The following RAB3GAP1 variants were observed in gnomAD, a reference collection of about 807,000 sequenced individuals.
RAB3GAP1 encodes RAB3 GTPase activating protein catalytic subunit 1.
RAB3GAP1 carries 86 observed loss-of-function variants against 130.7 expected under a neutral mutation model. The observed-to-expected ratio is 0.66, with a 90% CI of 0.55 to 0.79. RAB3GAP1 has a LOEUF of 0.79. Ranked by LOEUF, RAB3GAP1 falls within the 30% of genes least tolerant of loss-of-function variation. The pLI, the probability that RAB3GAP1 is intolerant of heterozygous loss-of-function variation, is 0.00. For synonymous variants in RAB3GAP1, 367 were observed against 401.7 expected (o/e 0.91, Z 1.03); for missense variants, 1,029 against 1,169.4 (o/e 0.88, Z 1.75).
intron 3 of RAB3GAP1, among the ~76,000 whole-genome samples, chr2:135,064,979 C>T (rs1689278278): frequency 1.3e-5 from 2 of 148,894 alleles, no homozygotes; most frequent in Non-Finnish European, 1.5e-5. Flanking sequence ...ATTCTCTTTT[C>T]AGTGATGGCA....
chr2:135,084,372 A>G (rs564803691), intron 3 of RAB3GAP1, among the ~76,000 whole-genome samples: 1 of 152,292 alleles, frequency 6.6e-6, no homozygotes, highest in South Asian at 2.1e-4. Context: ...CGTTCTCTAT[A>G]TTGTAGCATG....
intron 11 of RAB3GAP1, among the ~76,000 whole-genome samples, chr2:135,128,475 A>G (rs1691419380): frequency 6.6e-6 from 1 of 152,202 alleles, no homozygotes; most frequent in Non-Finnish European, 1.5e-5. Context: ...TGAACAGTAA[A>G]TGGTTTCTGT....
At chr2:135,065,506 C>G (rs1689293482) in intron 3 of RAB3GAP1, among the ~76,000 whole-genome samples, 1 of 152,154 alleles carries the variant, frequency 6.6e-6, no homozygotes, top group Non-Finnish European at 1.5e-5. Context: ...GGTTACTCTT[C>G]TCATTAATAT....
rs952830904 is a variant in RAB3GAP1, at chr2:135,119,884, C to T, written c.649-935C>T. Among the ~76,000 whole-genome samples, 14 of 152,258 alleles carry T rather than the reference C, an allele frequency of 9.2e-5. No individual in the cohort carries two copies. The South Asian group carries it at 1.5e-3, about 16-fold the overall frequency. Reference sequence around the variant, plus strand: ...CTATTTTATATTAGTTTAGATTAAGCATTATGAAGGGAAGCTGAGGTCATA... The same window carrying T: ...CTATTTTATATTAGTTTAGATTAAGTATTATGAAGGGAAGCTGAGGTCATA... On this transcript the variant is annotated intron_variant, in intron 7 of 23. Transcript: ENST00000264158.
chr2:135,109,573 A>T (rs924052328), intron 5 of RAB3GAP1, among the ~76,000 whole-genome samples: 15 of 145,738 alleles, frequency 1.0e-4, no homozygotes, highest in Admixed American at 2.7e-4. Context: ...TCCAAAAAAA[A>T]TTTTTTTTTT....
intron 18 of RAB3GAP1, 30 bp from the exon 19 acceptor site, chr2:135,153,619 A>T (rs1282180083): frequency 1.2e-6 from 2 of 1,601,140 alleles, no homozygotes; most frequent in South Asian, 1.1e-5. Context: ...TTTTCATTTG[A>T]TTCTGCTGAA....
chr2:135,067,548 TA>T (rs1689356270), intron 3 of RAB3GAP1, among the ~76,000 whole-genome samples: 1 of 152,230 alleles, frequency 6.6e-6, no homozygotes, highest in Non-Finnish European at 1.5e-5. Flanking sequence ...TTTATTGTAA[TA>T]TAAAAATGGC....
rs1691700505 is a variant in RAB3GAP1, at chr2:135,137,189, C to G, written c.1923+1257C>G. 1.3e-5 allele frequency: 5 copies of G among 399,950 alleles called. No individual in the cohort carries two copies. In the Admixed American group the frequency reaches 1.5e-4, roughly 12 times the overall value. The allele number at this position is 399,950 out of a possible 1,614,324, so 24.8% of individuals were successfully genotyped here. A position where few individuals can be genotyped will look rare whatever the true frequency, so the allele number is the denominator to read the frequency against. On this transcript the variant is annotated intron_variant, in intron 17 of 23. Coordinates refer to ENST00000264158, the MANE Select transcript of RAB3GAP1 (RefSeq NM_012233.3). ...CAGTATTAATTTTGCATTCCAATTT[C>G]ATGTTGACTTGATACCTACGATGGC...
intron 19 of RAB3GAP1, among the ~76,000 whole-genome samples, chr2:135,158,487 G>T (rs373292727): frequency 6.6e-6 from 1 of 152,128 alleles, no homozygotes; most frequent in South Asian, 2.1e-4. Flanking sequence ...ATTATAAACC[G>T]TTGGAAAAAA....
At chr2:135,110,991 T>A (rs1690787916) in intron 5 of RAB3GAP1, among the ~76,000 whole-genome samples, 1 of 152,168 alleles carries the variant, frequency 6.6e-6, no homozygotes, top group Non-Finnish European at 1.5e-5. Context: ...AAGAAAACTA[T>A]TTTTCAAAGA....
intron 17 of RAB3GAP1, chr2:135,136,555 T>A (rs1691685308): frequency 4.5e-6 from 1 of 221,440 alleles, no homozygotes; most frequent in Non-Finnish European, 8.7e-6. Context: ...TTTAAGTAGA[T>A]CACGTCATCA....
intron 17 of RAB3GAP1, among the ~76,000 whole-genome samples, chr2:135,140,786 A>G (rs1039820579): frequency 3.9e-5 from 6 of 152,212 alleles, no homozygotes; most frequent in Admixed American, 1.3e-4. Flanking sequence ...AGCATAAACC[A>G]TATTATTTGC....
chr2:135,117,459 TCTGCTTCTG>T (rs1691011910), intron 7 of RAB3GAP1, among the ~76,000 whole-genome samples: 15 of 62,262 alleles, frequency 2.4e-4, no homozygotes, highest in Non-Finnish European at 4.1e-4. Flanking sequence ...TTCTTCTGCT[TCTGCTTCTG>T]CTTCTGCTTC....
In RAB3GAP1 at chr2:135,130,539, G is replaced by A. The variant is rs1356892075; in HGVS notation, c.1067-13G>A. ...GGTGATATAATTTATATTTATTTCT[G>A]TTCTTTTTATAGAAACTGCTGATAT... On this transcript the variant is annotated splice_polypyrimidine_tract_variant and intron_variant, in intron 12 of 23. Transcript: ENST00000264158. The A allele has an allele frequency of 5.6e-6, 9 of 1,605,970 alleles. No homozygotes were observed. Among genetic ancestry groups the A allele is most frequent in the Admixed American group, 1.7e-5 (1 of 59,748 alleles).
Position 135,133,923 on chromosome 2 carries a change from T to C in RAB3GAP1, c.1389T>C (p.Cys463=). ...GTTTAACATACAAACTGGCTTTGTGTCTCTGTATGATCAATTTTTACCATG... is the reference window on the plus strand; with the variant it reads ...GTTTAACATACAAACTGGCTTTGTGCCTCTGTATGATCAATTTTTACCATG... ...SDSLTYKLAL[C]LCMINFYHGG... Residue 463 remains cysteine (C), a synonymous_variant, in exon 15 of 24, where the codon TGT becomes TGC. Coordinates refer to ENST00000264158, the MANE Select transcript of RAB3GAP1 (RefSeq NM_012233.3). 2 of 1,613,862 alleles carry C rather than the reference T, an allele frequency of 1.2e-6. No individual in the cohort carries two copies. The highest frequency in any genetic ancestry group is 1.7e-6 in the Non-Finnish European group (2 of 1,179,766).
At chr2:135,164,174 C>T (rs1032590764) in intron 22 of RAB3GAP1, among the ~76,000 whole-genome samples, 2 of 152,040 alleles carry the variant, frequency 1.3e-5, no homozygotes, top group South Asian at 2.1e-4. Context: ...TGCACGTGTG[C>T]GTGCACACAC....
intron 3 of RAB3GAP1, among the ~76,000 whole-genome samples, chr2:135,069,923 T>G (rs528936440): frequency 2.4e-4 from 36 of 152,332 alleles, no homozygotes; most frequent in African/African-American, 8.2e-4. Flanking sequence ...GGAGCTTCTT[T>G]AAATTATCCA....
At chr2:135,131,305 A>C (rs1691532320) in intron 13 of RAB3GAP1, among the ~76,000 whole-genome samples, 2 of 152,062 alleles carry the variant, frequency 1.3e-5, no homozygotes, top group Non-Finnish European at 2.9e-5. Context: ...GGCTCACTGC[A>C]ACCTCCACCT....
intron 3 of RAB3GAP1, among the ~76,000 whole-genome samples, chr2:135,080,898 T>C (rs1360007772): frequency 6.6e-6 from 1 of 152,196 alleles, no homozygotes; most frequent in East Asian, 1.9e-4. Context: ...TGGGATGATC[T>C]TGATCCAGGC....
Sources: allele counts gnomAD v4.1 joint callset (sites outside exome capture counted in the v4.1 genomes callset), GRCh38; gene constraint gnomAD v4.1.1; transcripts MANE v1.5; gene names NCBI Gene and HGNC (gene_info 2026-07-23, HGNC 2026-07-21).